CDK5RAP2: variants seen among roughly 807,000 people sequenced by gnomAD.
CDK5RAP2 encodes CDK5 regulatory subunit-associated protein 2.
Under a neutral mutation model 232.9 loss-of-function variants are expected in CDK5RAP2, and 147 were observed. The observed-to-expected ratio is 0.63, with a 90% CI of 0.55 to 0.72. CDK5RAP2 has a LOEUF of 0.72. CDK5RAP2 is among the 30% of genes least tolerant of loss of function. The probability of loss-of-function intolerance (pLI) is 0.00; values close to 1 mark genes in which losing one functional copy is unlikely to be tolerated. For synonymous variants in CDK5RAP2, 833 were observed against 833.7 expected, an observed-to-expected ratio of 1.00 and a Z score of 0.01; for missense variants, 2,195 against 2,231.5, an observed-to-expected ratio of 0.98 and a Z score of 0.33.
chr9:120,562,956 G>A (rs1013869165), intron 3 of CDK5RAP2, among the ~76,000 whole-genome samples: 5 of 152,042 alleles, frequency 3.3e-5, no homozygotes, highest in African/African-American at 9.7e-5. Context: ...AGATGCCTAC[G>A]ATTTTGTTAG....
At chr9:120,443,499 T>A (rs2036013895) in intron 23 of CDK5RAP2, 121 bp downstream of exon 23, 2 of 1,160,840 alleles carry the variant, frequency 1.7e-6, no homozygotes, top group South Asian at 2.5e-5. Context: ...TGTGTTAGAC[T>A]GGAATGATAA....
chr9:120,458,576 C>T lies in CDK5RAP2; in HGVS notation c.2249G>A (p.Arg750Lys). ...ATCTGAAATCTTAGACTCCGTGTGCCTTAAGTATCCATTTTTGCAGCCTCC... is the reference window on the plus strand; with the variant it reads ...ATCTGAAATCTTAGACTCCGTGTGCTTTAAGTATCCATTTTTGCAGCCTCC... ...SKGGCKNGYLRHTESKISDCD... is the reference protein window; with the variant it reads ...SKGGCKNGYLKHTESKISDCD... Residue 750 changes from arginine to lysine, a missense_variant, in exon 20 of 38, where the codon AGG becomes AAG. By Grantham distance (26) the Arg-to-Lys change is conservative (BLOSUM62 2). Transcript: ENST00000349780. 3 of 1,614,160 alleles carry T rather than the reference C, an allele frequency of 1.9e-6. No homozygotes were observed. The highest frequency in any genetic ancestry group is 1.1e-5 in the South Asian group (1 of 91,084).
At chr9:120,500,915 G>A (rs1048122329) in intron 12 of CDK5RAP2, among the ~76,000 whole-genome samples, 1 of 152,140 alleles carries the variant, frequency 6.6e-6, no homozygotes, top group Non-Finnish European at 1.5e-5. Flanking sequence ...GCTAAAGAAC[G>A]GGTACTGAGT....
At chr9:120,508,968 TGA>T (rs910279293) in intron 12 of CDK5RAP2, among the ~76,000 whole-genome samples, 5 of 152,128 alleles carry the variant, frequency 3.3e-5, no homozygotes, top group South Asian at 2.1e-4. Flanking sequence ...AATGATAAAA[TGA>T]GAGGGTGACA....
At chr9:120,451,734 ACCAG>A (rs1352400556) in intron 21 of CDK5RAP2, among the ~76,000 whole-genome samples, 1 of 151,994 alleles carries the variant, frequency 6.6e-6, no homozygotes, top group East Asian at 1.9e-4. Context: ...CACTCCACTT[ACCAG>A]CTAAATCACT....
intron 25 of CDK5RAP2, among the ~76,000 whole-genome samples, chr9:120,436,768 A>C (rs545966033): frequency 6.6e-6 from 1 of 152,116 alleles, no homozygotes; most frequent in African/African-American, 2.4e-5. Flanking sequence ...TGTAGTCTCA[A>C]AAAAAAATTA....
At chr9:120,534,120 G>A (rs1406397942) in intron 7 of CDK5RAP2, among the ~76,000 whole-genome samples, 1 of 152,120 alleles carries the variant, frequency 6.6e-6, no homozygotes, top group Admixed American at 6.6e-5. Flanking sequence ...TAACTCTTCA[G>A]TGGCTTCTTG....
intron 1 of CDK5RAP2, among the ~76,000 whole-genome samples, chr9:120,572,317 T>G (rs1286393377): frequency 6.6e-6 from 1 of 152,216 alleles, no homozygotes; most frequent in East Asian, 1.9e-4. Context: ...GCAGAGGCAC[T>G]GTGACAAGTA....
intron 27 of CDK5RAP2, among the ~76,000 whole-genome samples, chr9:120,417,722 C>G (rs894379231): frequency 1.3e-5 from 2 of 152,168 alleles, no homozygotes; most frequent in African/African-American, 2.4e-5. Context: ...AGAAAAATCT[C>G]TCTCTCTTAG....
At chr9:120,549,531 G>A (rs767440197) in intron 4 of CDK5RAP2, among the ~76,000 whole-genome samples, 3 of 152,150 alleles carry the variant, frequency 2.0e-5, no homozygotes, top group South Asian at 2.1e-4. Flanking sequence ...TCCACCTCAC[G>A]TAGTAGCTAT....
rs149509247 is a variant in CDK5RAP2 at position 120,450,921 on chromosome 9, G to A, written c.2793+2535C>T. The stretch of plus-strand genomic sequence containing the variant: ...AAATTCCAGGTAAGAGGAGAGAGCA[G>A]GTTCAAGGATAAGAACAGTTTGAGG... On this transcript the variant is annotated intron_variant, in intron 21 of 37. Coordinates refer to ENST00000349780, the MANE Select transcript of CDK5RAP2 (RefSeq NM_018249.6). Among the ~76,000 whole-genome samples, 35 of 152,336 alleles carry A rather than the reference G, an allele frequency of 2.3e-4. No individual in the cohort carries two copies. In the East Asian group the frequency reaches 6.2e-3, roughly 27 times the overall value.
intron 23 of CDK5RAP2, 52 bp from the exon 24 acceptor site, chr9:120,440,024 C>G: frequency 6.6e-7 from 1 of 1,525,722 alleles, no homozygotes; most frequent in East Asian, 2.3e-5. Flanking sequence ...AATCCAAACC[C>G]TCTCTCCTTC....
intron 3 of CDK5RAP2, among the ~76,000 whole-genome samples, chr9:120,551,991 T>C (rs1225374247): frequency 6.6e-6 from 1 of 151,524 alleles, no homozygotes; most frequent in East Asian, 1.9e-4. Context: ...CAAACAAATT[T>C]ACAAGAAAAA....
chr9:120,426,202 A>G (rs1248077230), intron 25 of CDK5RAP2, among the ~76,000 whole-genome samples: 2 of 152,226 alleles, frequency 1.3e-5, no homozygotes, highest in African/African-American at 2.4e-5. Context: ...CTGTAAGCCA[A>G]AAAGTATATG....
At chr9:120,516,510 G>C (rs1451268218) in intron 12 of CDK5RAP2, among the ~76,000 whole-genome samples, 1 of 151,898 alleles carries the variant, frequency 6.6e-6, no homozygotes, top group Non-Finnish European at 1.5e-5. Flanking sequence ...AAAACTTAAA[G>C]TATAATAATA....
chr9:120,430,683 C>T (rs1372246666), intron 25 of CDK5RAP2, among the ~76,000 whole-genome samples: 1 of 150,818 alleles, frequency 6.6e-6, no homozygotes, highest in Non-Finnish European at 1.5e-5. Context: ...ACTAGTTCAA[C>T]CATTGTGGAA....
intron 23 of CDK5RAP2, among the ~76,000 whole-genome samples, chr9:120,441,245 T>C (rs1340652497): frequency 6.6e-6 from 1 of 152,178 alleles, no homozygotes; most frequent in Non-Finnish European, 1.5e-5. Flanking sequence ...CGGAATGTAG[T>C]AGAAAAACCT....
In CDK5RAP2 at chr9:120,485,293, C is replaced by CTTTTTT. The variant is rs111411839; in HGVS notation, c.1626+1995_1626+2000dup. Among the ~76,000 whole-genome samples, 1,027 of 132,302 alleles carry CTTTTTT rather than the reference C, an allele frequency of 7.8e-3. 41 individuals carry two copies. Among genetic ancestry groups the CTTTTTT allele is most frequent in the African/African-American group, 0.028 (976 of 35,204 alleles). The allele number at this position is 132,302 out of a possible 152,430, so 86.8% of individuals were successfully genotyped here. A position where few individuals can be genotyped will look rare whatever the true frequency, so the allele number is the denominator to read the frequency against. ...AAACATTTTGTTCAACATTTAGATA[C>CTTTTTT]TTTTTTTTTTTTTTTTTTTTTGAGA... On this transcript the variant is annotated intron_variant, in intron 14 of 37. Coordinates refer to ENST00000349780, the MANE Select transcript of CDK5RAP2 (RefSeq NM_018249.6).
intron 14 of CDK5RAP2, among the ~76,000 whole-genome samples, chr9:120,483,384 A>G (rs2131595415): frequency 6.6e-6 from 1 of 152,348 alleles, no homozygotes; most frequent in Admixed American, 6.5e-5. Context: ...GACAGCTGGA[A>G]GTCTCTGGGT....
Sources: allele counts gnomAD v4.1 joint callset (sites outside exome capture counted in the v4.1 genomes callset), GRCh38; gene constraint gnomAD v4.1.1; transcripts MANE v1.5; gene names NCBI Gene and HGNC (gene_info 2026-07-23, HGNC 2026-07-21).